The following P2RY10 variants were observed in gnomAD, a reference collection of about 807,000 sequenced individuals.
P2RY10 encodes the protein putative P2Y purinoceptor 10.
Under a neutral mutation model 12.1 loss-of-function variants are expected in P2RY10, and 4 were observed. That is an observed-to-expected ratio of 0.33 (90% CI 0.16 to 0.76). The LOEUF is 0.76. Ranked by LOEUF, P2RY10 falls within the 30% of genes least tolerant of loss-of-function variation. The probability of loss-of-function intolerance (pLI) is 0.61; values close to 1 mark genes in which losing one functional copy is unlikely to be tolerated. For synonymous variants in P2RY10, 112 were observed against 94.1 expected (o/e 1.19, Z -1.10); for missense variants, 233 against 264.6 (o/e 0.88, Z 0.83).
At position 78,963,261 on chromosome X, in the gene P2RY10, T is replaced by G. The variant is rs1922724529; in HGVS notation, c.*1721T>G. ...GAATGAATAGCAAAAAAAGGAGAAT[T>G]TTTTTAAAAAGATCTCTCACTGGGA... On this transcript the variant is annotated 3_prime_UTR_variant, in exon 4 of 4. Transcript: ENST00000171757. Among the ~76,000 whole-genome samples, 1 of 112,449 alleles carries G rather than the reference T, an allele frequency of 8.9e-6. No homozygotes were observed. Among genetic ancestry groups the G allele is most frequent in the Non-Finnish European group, 1.9e-5 (1 of 53,286 alleles).
rs754028485 is a variant in P2RY10 at position 78,950,958 on chromosome X, G to A, written c.-156-1235G>A. Among the ~76,000 whole-genome samples, 13 of 111,967 alleles carry A rather than the reference G, an allele frequency of 1.2e-4. No homozygotes were observed. The East Asian group carries it at 2.5e-3, about 22-fold the overall frequency. The stretch of plus-strand genomic sequence containing the variant: ...CTCAGAATTCTTACAAAGATTAGAG[G>A]TAACGTGAATAGCACTTAGCTAGTT... On this transcript the variant is annotated intron_variant, in intron 2 of 3. Transcript: ENST00000171757.
intron 3 of P2RY10, among the ~76,000 whole-genome samples, chrX:78,959,882 C>T (rs755609256): frequency 1.3e-4 from 14 of 111,702 alleles, no homozygotes; most frequent in Non-Finnish European, 2.6e-4. Flanking sequence ...GATACCCAAG[C>T]CTAGGGAGAG....
Position 78,947,214 on chromosome X carries a change from CA to C in P2RY10, c.-205-591del, listed in dbSNP as rs201603515. Among the ~76,000 whole-genome samples the C allele has an allele frequency of 9.0e-5, 9 of 100,408 alleles. No individual in the cohort carries two copies. In the South Asian group the frequency reaches 1.3e-3, roughly 15 times the overall value. 87.2% of individuals were successfully genotyped at this position (100,408 alleles called of 115,157 possible). ...TGGGAGACAGACCAAGACTCTGGCT[CA>C]AAAAAAAAATAAAAAAAAGATAGGC... On this transcript the variant is annotated intron_variant, in intron 1 of 3. Coordinates refer to ENST00000171757, the MANE Select transcript of P2RY10 (RefSeq NM_014499.4).
intron 3 of P2RY10, among the ~76,000 whole-genome samples, chrX:78,957,709 GT>G (rs1922408146): frequency 9.0e-6 from 1 of 111,500 alleles, no homozygotes; most frequent in Non-Finnish European, 1.9e-5. Flanking sequence ...CAAAAAAGAG[GT>G]TTTTGGAAAC....
At chrX:78,958,696 A>C (rs1922461011) in intron 3 of P2RY10, among the ~76,000 whole-genome samples, 2 of 112,283 alleles carry the variant, frequency 1.8e-5, no homozygotes, top group Admixed American at 1.9e-4. Flanking sequence ...TCACCACATG[A>C]TAATTATTTC....
chrX:78,960,431 G>A, intron 3 of P2RY10, 77 bp from the exon 4 acceptor site: 1 of 729,378 alleles, frequency 1.4e-6, no homozygotes, highest in Non-Finnish European at 2.0e-6. Flanking sequence ...GCCTCTGTAA[G>A]TATAAAAGAG....
chrX:78,947,226 A>T (rs766052268), intron 1 of P2RY10, among the ~76,000 whole-genome samples: 4 of 110,345 alleles, frequency 3.6e-5, no homozygotes, highest in South Asian at 7.9e-4. Context: ...AAAAAAAAAT[A>T]AAAAAAAGAT....
At position 78,947,839 on chromosome X, in the gene P2RY10, CT is replaced by C; in HGVS notation, c.-177del. The C allele has an allele frequency of 1.4e-6, 1 of 714,443 alleles. No individual in the cohort carries two copies. Among genetic ancestry groups the C allele is most frequent in the Non-Finnish European group, 1.7e-6 (1 of 602,903 alleles). 58.9% of individuals were successfully genotyped at this position (714,443 alleles called of 1,213,427 possible). On this transcript the variant is annotated 5_prime_UTR_variant, in exon 2 of 4. An upstream open reading frame in the 5' UTR gains an earlier in-frame stop. Coordinates refer to ENST00000171757, the MANE Select transcript of P2RY10 (RefSeq NM_014499.4). ...GGTAATGTTATCATGACAGCTTCAA[CT>C]TTTAGACCACAGGCAAATGCTTTGT...
At chrX:78,957,507 T>C (rs1292899716) in intron 3 of P2RY10, among the ~76,000 whole-genome samples, 2 of 110,544 alleles carry the variant, frequency 1.8e-5, no homozygotes, top group African/African-American at 6.6e-5. Flanking sequence ...TCTTAGCTTC[T>C]CCTTTCTTAT....
At chrX:78,957,671 C>A (rs889045257) in intron 3 of P2RY10, among the ~76,000 whole-genome samples, 1 of 111,388 alleles carries the variant, frequency 9.0e-6, no homozygotes, top group Non-Finnish European at 1.9e-5. Context: ...GGAAAAAAAG[C>A]CCTTCTTACC....
chrX:78,956,463 A>G (rs1922337599), intron 3 of P2RY10, among the ~76,000 whole-genome samples: 1 of 111,611 alleles, frequency 9.0e-6, no homozygotes, highest in Non-Finnish European at 1.9e-5. Flanking sequence ...TATACTTTTT[A>G]TATGTTCTTT....
At chrX:78,958,690 C>A (rs1922460752) in intron 3 of P2RY10, among the ~76,000 whole-genome samples, 1 of 111,985 alleles carries the variant, frequency 8.9e-6, no homozygotes, top group Admixed American at 9.5e-5. Context: ...TGATCGTCAC[C>A]ACATGATAAT....
intron 3 of P2RY10, among the ~76,000 whole-genome samples, chrX:78,960,199 T>C (rs778645256): frequency 8.9e-6 from 1 of 112,396 alleles, no homozygotes; most frequent in East Asian, 2.8e-4. Flanking sequence ...TATAATCGAA[T>C]TCTATGCTGT....
intron 1 of P2RY10, among the ~76,000 whole-genome samples, chrX:78,947,294 GT>G (rs1230170794): frequency 2.7e-5 from 3 of 111,885 alleles, no homozygotes; most frequent in Non-Finnish European, 5.6e-5. Flanking sequence ...GAACAAAGCT[GT>G]TTATAGTAAA....
chrX:78,953,837 C>T (rs1032777163), intron 3 of P2RY10, among the ~76,000 whole-genome samples: 10 of 111,435 alleles, frequency 9.0e-5, no homozygotes, highest in Non-Finnish European at 1.7e-4. Context: ...GCCAGCGTGA[C>T]CTTTCTATTT....
At position 78,961,126 on chromosome X, in the gene P2RY10, T is replaced by C; in HGVS notation, c.606T>C (p.Ala202=). 8.3e-7 allele frequency: 1 copy of C among 1,211,507 alleles called. No homozygotes were observed. The highest frequency in any genetic ancestry group is 1.1e-6 in the Non-Finnish European group (1 of 895,287). Residue 202 remains alanine (A), a synonymous_variant, in exon 4 of 4, where the codon GCT becomes GCC. Coordinates refer to ENST00000171757, the MANE Select transcript of P2RY10 (RefSeq NM_014499.4). ...CGTTGGTCGGGATGATTACAGTTGC[T>C]GAGCTTGCAGGATTTGTGATCCCAG... The part of the protein sequence containing the change: ...AVALVGMITV[A]ELAGFVIPVI...
chrX:78,949,351 C>A lies in P2RY10; in HGVS notation c.-157+1488C>A, dbSNP rs780164205. On this transcript the variant is annotated intron_variant, in intron 2 of 3. Coordinates refer to ENST00000171757, the MANE Select transcript of P2RY10 (RefSeq NM_014499.4). ...TCATTCTGTGGGTTGTCTGTTTACT[C>A]GGATTATTATTTTCAGACACATTTT... 6.3e-5 allele frequency among the ~76,000 whole-genome samples: 7 copies of A among 111,913 alleles called. No homozygotes were observed. The South Asian group carries it at 2.6e-3, about 41-fold the overall frequency.
chrX:78,960,731 A>G lies in P2RY10; in HGVS notation c.211A>G (p.Ile71Val). The G allele has an allele frequency of 5.8e-6, 7 of 1,210,172 alleles. No homozygotes were observed. The highest frequency in any genetic ancestry group is 7.8e-6 in the Non-Finnish European group (7 of 894,637). Residue 71 changes from isoleucine (I) to valine (V), a missense_variant, in exon 4 of 4, where the codon ATT (isoleucine) becomes GTT (valine). Transcript: ENST00000171757. ...CATCAGCAAGAAAAATAAAGCCATC[A>G]TTTTCATGATCAACCTCTCTGTGGC... ...RFISKKNKAI[I>V]FMINLSVADL...
In P2RY10 at chrX:78,963,654, T is replaced by G. The variant is rs1569247247; in HGVS notation, c.*2114T>G. On this transcript the variant is annotated 3_prime_UTR_variant, in exon 4 of 4. Coordinates refer to ENST00000171757, the MANE Select transcript of P2RY10 (RefSeq NM_014499.4). ...ACCATTTAAGTGGAATCTTTGAACT[T>G]TTTTTTTGACATGTGAATCTCTAAT... Among the ~76,000 whole-genome samples the G allele has an allele frequency of 8.9e-6, 1 of 112,097 alleles. No individual in the cohort carries two copies.
Sources: gnomAD v4.1 joint callset for allele counts (sites outside exome capture counted in the v4.1 genomes callset) on GRCh38, gnomAD v4.1.1 for gene constraint, MANE v1.5 for transcripts, NCBI Gene and HGNC (gene_info 2026-07-23, HGNC 2026-07-21) for gene names.